Variants in PCLO observed in about 807,000 individuals in gnomAD.
The protein encoded by PCLO is protein piccolo.
In PCLO, 82 loss-of-function variants were observed where a neutral mutation model predicts 427.5. The ratio of observed to expected loss-of-function variants is 0.19; its 90% CI spans 0.16 to 0.23. The LOEUF (loss-of-function observed/expected upper bound fraction) is 0.23. Among genes scored for constraint, PCLO ranks in the 10% least tolerant of loss-of-function variants. The pLI is 1.00. For missense variants in PCLO, 6,239 were observed against 6,115.9 expected (o/e 1.02, Z -0.67); for synonymous variants, 2,357 against 2,155.4 (o/e 1.09, Z -2.59).
chr7:83,065,268 C>T (rs943738137), intron 3 of PCLO, among the ~76,000 whole-genome samples: 24 of 151,926 alleles, frequency 1.6e-4, no homozygotes, highest in Non-Finnish European at 3.4e-4. Context: ...TTCTATAAGG[C>T]TTTTTCTACA....
rs144478584 is a variant in PCLO, at chr7:82,987,761, T to C, written c.3301-21274A>G. ...CCAACCAACAATCAGTATAGGTTAATGCTTAAATATGAAATTAAAAGTAGA... is the reference window on the plus strand; with the variant it reads ...CCAACCAACAATCAGTATAGGTTAACGCTTAAATATGAAATTAAAAGTAGA... On this transcript the variant is annotated intron_variant, in intron 3 of 24. Transcript: ENST00000333891. Among the ~76,000 whole-genome samples the C allele has an allele frequency of 2.4e-3, 362 of 152,266 alleles. 3 individuals are homozygous for C. Among genetic ancestry groups the C allele is most frequent in the South Asian group, 0.012 (58 of 4,834 alleles).
intron 3 of PCLO, among the ~76,000 whole-genome samples, chr7:83,101,483 A>G (rs1402466167): frequency 3.3e-5 from 5 of 152,240 alleles, no homozygotes; most frequent in South Asian, 2.1e-4. Flanking sequence ...TTCAAATGCC[A>G]GAAAGAATAA....
At chr7:82,903,516 C>T (rs1794110503) in intron 8 of PCLO, among the ~76,000 whole-genome samples, 1 of 151,890 alleles carries the variant, frequency 6.6e-6, no homozygotes, top group Non-Finnish European at 1.5e-5. Flanking sequence ...TGTGTTTCCA[C>T]CTGGTGAAAC....
intron 4 of PCLO, among the ~76,000 whole-genome samples, chr7:82,962,336 GT>G (rs1403117464): frequency 1.3e-5 from 2 of 151,970 alleles, no homozygotes; most frequent in South Asian, 2.1e-4. Flanking sequence ...ATGGGGAAAT[GT>G]TTTTTATTTT....
intron 2 of PCLO, among the ~76,000 whole-genome samples, chr7:83,141,474 CA>C (rs1791860062): frequency 6.6e-6 from 1 of 152,248 alleles, no homozygotes; most frequent in Non-Finnish European, 1.5e-5. Context: ...TGGAAAGGAA[CA>C]AAAGAAAGGC....
chr7:83,159,139 CAAT>C (rs1792373186), intron 1 of PCLO, among the ~76,000 whole-genome samples: 1 of 152,022 alleles, frequency 6.6e-6, no homozygotes, highest in South Asian at 2.1e-4. Flanking sequence ...GGATGATTAA[CAAT>C]GAGTGAACCA....
intron 3 of PCLO, among the ~76,000 whole-genome samples, chr7:83,125,497 T>C (rs1391855496): frequency 6.6e-6 from 1 of 152,194 alleles, no homozygotes; most frequent in Non-Finnish European, 1.5e-5. Flanking sequence ...TGTGTCTGTG[T>C]AGAAAGAAGT....
intron 3 of PCLO, among the ~76,000 whole-genome samples, chr7:83,009,955 G>T: frequency 6.6e-6 from 1 of 151,810 alleles, no homozygotes; most frequent in Non-Finnish European, 1.5e-5. Flanking sequence ...GACAAGTGGT[G>T]AGCACCACTC....
At chr7:82,965,502 A>G (rs190693733) in intron 4 of PCLO, among the ~76,000 whole-genome samples, 2 of 152,180 alleles carry the variant, frequency 1.3e-5, no homozygotes, top group Admixed American at 6.5e-5. Context: ...TAACTTCTTT[A>G]TCACTCCATA....
At chr7:83,024,469 T>C (rs1407361608) in intron 3 of PCLO, among the ~76,000 whole-genome samples, 2 of 152,138 alleles carry the variant, frequency 1.3e-5, no homozygotes, top group Non-Finnish European at 2.9e-5. Flanking sequence ...CCACGGAGTC[T>C]CGCTGATTGC....
chr7:82,781,079 AAG>A (rs1488463180), intron 22 of PCLO, among the ~76,000 whole-genome samples: 1 of 151,440 alleles, frequency 6.6e-6, no homozygotes, highest in Non-Finnish European at 1.5e-5. Flanking sequence ...TTCAACAAAT[AAG>A]AGAAATAAAT....
intron 3 of PCLO, among the ~76,000 whole-genome samples, chr7:83,037,391 C>T (rs10257151): frequency 0.17 from 25,610 of 151,872 alleles, 2,455 homozygotes; most frequent in African/African-American, 0.25. Flanking sequence ...AAGTATAAGA[C>T]GCTCTATAAG....
intron 3 of PCLO, among the ~76,000 whole-genome samples, chr7:83,021,545 AAC>A (rs1449793760): frequency 6.6e-6 from 1 of 152,188 alleles, no homozygotes; most frequent in Non-Finnish European, 1.5e-5. Context: ...ACACTGTTGT[AAC>A]ACAATGTAAA....
chr7:82,859,146 C>T (rs1165650816), intron 10 of PCLO, among the ~76,000 whole-genome samples: 1 of 151,716 alleles, frequency 6.6e-6, no homozygotes, highest in African/African-American at 2.4e-5. Context: ...TCCTGGATGG[C>T]ACTTCTGGAC....
Position 82,915,192 on chromosome 7 carries a change from C to T in PCLO, c.12794G>A (p.Gly4265Asp). 1 of 1,609,008 alleles carries T rather than the reference C, an allele frequency of 6.2e-7. No individual in the cohort carries two copies. Among genetic ancestry groups the T allele is most frequent in the African/African-American group, 1.3e-5 (1 of 74,954 alleles). Residue 4265 changes from glycine to aspartate, a missense_variant, in exon 7 of 25, where the codon GGC (glycine) becomes GAC (aspartate). Transcript: ENST00000333891. ...TGAGCGTATGGTATTTCCTAATGTG[C>T]CCAGTCCTGTGCCAAGAGAAGATCC... ...FMGSSLGTGL[G>D]TLGNTIRSAL...
At chr7:82,893,126 A>G (rs1447728000) in intron 9 of PCLO, among the ~76,000 whole-genome samples, 2 of 152,108 alleles carry the variant, frequency 1.3e-5, no homozygotes, top group African/African-American at 4.8e-5. Context: ...ATGCACACGT[A>G]TGGTTATTGC....
chr7:83,063,052 T>C (rs1253589668), intron 3 of PCLO, among the ~76,000 whole-genome samples: 3 of 152,088 alleles, frequency 2.0e-5, no homozygotes, highest in African/African-American at 7.2e-5. Flanking sequence ...CTAACTTATG[T>C]ATTTTGTTAT....
At chr7:83,067,545 C>T (rs1789698891) in intron 3 of PCLO, among the ~76,000 whole-genome samples, 1 of 152,090 alleles carries the variant, frequency 6.6e-6, no homozygotes, top group African/African-American at 2.4e-5. Flanking sequence ...ACCACTGAAT[C>T]CCCTGGCTGA....
At chr7:82,812,435 CT>C (rs1020612406) in intron 20 of PCLO, among the ~76,000 whole-genome samples, 1 of 151,406 alleles carries the variant, frequency 6.6e-6, no homozygotes, top group Non-Finnish European at 1.5e-5. Flanking sequence ...GTAGGTCTTC[CT>C]TTTTTTGAGG....
Sources: gnomAD v4.1 joint callset for allele counts (sites outside exome capture counted in the v4.1 genomes callset) on GRCh38, gnomAD v4.1.1 for gene constraint, MANE v1.5 for transcripts, NCBI Gene and HGNC (gene_info 2026-07-23, HGNC 2026-07-21) for gene names.